Variants in WNT6 observed in about 807,000 individuals in gnomAD.
The protein encoded by WNT6 is protein Wnt-6.
Under a neutral mutation model 33.1 loss-of-function variants are expected in WNT6, and 27 were observed. That is an observed-to-expected ratio of 0.82 (90% CI 0.60 to 1.12). The LOEUF (loss-of-function observed/expected upper bound fraction) is 1.12. Among genes scored for constraint, WNT6 ranks in the 50% most tolerant of loss-of-function variants. The pLI, the probability that WNT6 is intolerant of heterozygous loss-of-function variation, is 0.00. For missense variants in WNT6, 494 were observed against 535.3 expected (o/e 0.92, Z 0.76); for synonymous variants, 249 against 242.8 (o/e 1.03, Z -0.24).
rs780031461 is a variant in WNT6 at position 218,871,824 on chromosome 2, G to A, written c.636+5G>A. ...AACAACGAGGCGGGCAGGCTGGTGC[G>A]TACGGGCAGGATGGAGTGAGTGTGT... On this transcript the variant is annotated splice_donor_5th_base_variant and intron_variant, in intron 3 of 3. Coordinates refer to ENST00000233948, the MANE Select transcript of WNT6 (RefSeq NM_006522.4). This position sits in a 1 kb window ranked among gnomAD's most constrained non-coding sequence, Gnocchi z 6.4. 6 of 1,578,734 alleles carry A rather than the reference G, an allele frequency of 3.8e-6. No homozygotes were observed. In the Admixed American group the frequency reaches 7.1e-5, roughly 19 times the overall value.
chr2:218,864,263 CTTTTT>C (rs1231335485), intron 1 of WNT6, among the ~76,000 whole-genome samples: 1 of 151,852 alleles, frequency 6.6e-6, no homozygotes, highest in Admixed American at 6.6e-5. Flanking sequence ...CTTTTCTTTT[CTTTTT>C]TTCCTTTTTG....
intron 1 of WNT6, among the ~76,000 whole-genome samples, chr2:218,861,695 C>A (rs1260015335): frequency 6.6e-6 from 1 of 152,044 alleles, no homozygotes; most frequent in Non-Finnish European, 1.5e-5. Flanking sequence ...GGGATGGGGT[C>A]CCTCCCTGAT....
chr2:218,860,139 C>T, intron 1 of WNT6, 22 bp downstream of exon 1: 2 of 1,506,712 alleles, frequency 1.3e-6, no homozygotes, highest in Non-Finnish European at 8.8e-7. Flanking sequence ...TGTCCTGGCG[C>T]GGCTCTGGAC....
Position 218,873,322 on chromosome 2 carries a change from C to T in WNT6, c.637-62C>T, listed in dbSNP as rs1944420208. 2.8e-6 allele frequency: 4 copies of T among 1,447,074 alleles called. No individual in the cohort carries two copies. Among genetic ancestry groups the T allele is most frequent in the East Asian group, 2.6e-5 (1 of 38,968 alleles). 89.6% of individuals were successfully genotyped at this position (1,447,074 alleles called of 1,614,324 possible). A position where few individuals can be genotyped will look rare whatever the true frequency, so the allele number is the denominator to read the frequency against. ...TTCCCAATCTTATTTTCTGTCCATC[C>T]GCTGGGCCCTTCCCTGCACCCCCTA... On this transcript the variant is annotated intron_variant, in intron 3 of 3. Coordinates refer to ENST00000233948, the MANE Select transcript of WNT6 (RefSeq NM_006522.4). This position sits in a 1 kb window ranked among gnomAD's most constrained non-coding sequence, Gnocchi z 6.1.
intron 1 of WNT6, among the ~76,000 whole-genome samples, chr2:218,861,430 T>A (rs1195426033): frequency 2.0e-5 from 3 of 152,172 alleles, no homozygotes. Flanking sequence ...CAGTCTTAAC[T>A]GGAAATAGGA....
chr2:218,873,380 G>GCAGGCC lies in WNT6; in HGVS notation c.637-3_639dup. 6.5e-7 allele frequency: 1 copy of GCAGGCC among 1,532,868 alleles called. No individual in the cohort carries two copies. Among genetic ancestry groups the GCAGGCC allele is most frequent in the Non-Finnish European group, 8.7e-7 (1 of 1,145,010 alleles). The allele number at this position is 1,532,868 out of a possible 1,614,324, so 95.0% of individuals were successfully genotyped here. On this transcript the variant is annotated splice_region_variant and splice_polypyrimidine_tract_variant and intron_variant, in intron 3 of 3. Coordinates refer to ENST00000233948, the MANE Select transcript of WNT6 (RefSeq NM_006522.4). This position sits in a 1 kb window ranked among gnomAD's most constrained non-coding sequence, Gnocchi z 6.1. ...ACATGCGTCCGCCCCTCTGCCTCCCGCAGGCCGTGCGGAGCCACACGCGCA... is the reference window on the plus strand; with the variant it reads ...ACATGCGTCCGCCCCTCTGCCTCCCGCAGGCCCAGGCCGTGCGGAGCCACACGCGCA...
chr2:218,865,061 G>A (rs1944342371), intron 1 of WNT6, among the ~76,000 whole-genome samples: 1 of 152,220 alleles, frequency 6.6e-6, no homozygotes, highest in South Asian at 2.1e-4. Context: ...CCAGAGTTCT[G>A]GCACTGAGAC....
rs1365891601 is a variant in WNT6, at chr2:218,873,968, C to G, written c.*123C>G. ...AGCCTCTCCCTGCCAAAGCCCAACT[C>G]CCAGGGCTCTGGAAATGGTGAGGCG... is the stretch of plus-strand genomic sequence containing the variant. On this transcript the variant is annotated 3_prime_UTR_variant, in exon 4 of 4. Transcript: ENST00000233948. The surrounding 1 kb of genome is among the most constrained non-coding windows in gnomAD (Gnocchi z 6.1). 9.4e-7 allele frequency: 1 copy of G among 1,066,064 alleles called. No homozygotes were observed. Among genetic ancestry groups the G allele is most frequent in the Non-Finnish European group, 1.3e-6 (1 of 785,140 alleles). The allele number at this position is 1,066,064 out of a possible 1,614,324, so 66.0% of individuals were successfully genotyped here. A position where few individuals can be genotyped will look rare whatever the true frequency, so the allele number is the denominator to read the frequency against.
chr2:218,869,038 G>A (rs759751072), intron 1 of WNT6, among the ~76,000 whole-genome samples: 2 of 152,130 alleles, frequency 1.3e-5, no homozygotes, highest in African/African-American at 2.4e-5. Context: ...GGTCATTGGG[G>A]TGCCCTGACC....
intron 1 of WNT6, among the ~76,000 whole-genome samples, chr2:218,860,773 T>A: frequency 6.6e-6 from 1 of 151,332 alleles, no homozygotes; most frequent in East Asian, 1.9e-4. Context: ...GGAGGGGTCC[T>A]GCGGGAAGGG....
chr2:218,862,493 C>G (rs1944318145), intron 1 of WNT6, among the ~76,000 whole-genome samples: 2 of 151,806 alleles, frequency 1.3e-5, no homozygotes, highest in African/African-American at 4.8e-5. Flanking sequence ...CTACAGGCAC[C>G]CACCACCATG....
At chr2:218,863,651 C>T (rs1363582461) in intron 1 of WNT6, among the ~76,000 whole-genome samples, 2 of 152,166 alleles carry the variant, frequency 1.3e-5, no homozygotes, top group African/African-American at 4.8e-5. Context: ...GAGTTCGAGA[C>T]CAGTTTGGCC....
rs778846147 is a variant in WNT6, at chr2:218,873,555, C to G, written c.808C>G (p.Leu270Val). Reference sequence around the variant, plus strand: ...GGGCACCAACGACGGCAAGGCCCTGCTGCCCGCCGTCCGCACGCTCAAGCC... The same window carrying G: ...GGGCACCAACGACGGCAAGGCCCTGGTGCCCGCCGTCCGCACGCTCAAGCC... ...VMGTNDGKALLPAVRTLKPPG... is the reference protein window; with the variant it reads ...VMGTNDGKALVPAVRTLKPPG... Residue 270 changes from leucine (L) to valine (V), a missense_variant, in exon 4 of 4, where the codon CTG becomes GTG. By Grantham distance (32) the Leu-to-Val change is conservative. Coordinates refer to ENST00000233948, the MANE Select transcript of WNT6 (RefSeq NM_006522.4). The surrounding 1 kb of genome is among the most constrained non-coding windows in gnomAD (Gnocchi z 6.1). The G allele has an allele frequency of 9.1e-6, 14 of 1,537,532 alleles. No individual in the cohort carries two copies. The South Asian group carries it at 1.4e-4, about 16-fold the overall frequency.
rs992751945 is a variant in WNT6, at chr2:218,864,674, C to T, written c.80+4557C>T. Among the ~76,000 whole-genome samples the T allele has an allele frequency of 2.6e-5, 4 of 152,330 alleles. No individual in the cohort carries two copies. In the South Asian group the frequency reaches 8.3e-4, roughly 32 times the overall value. On this transcript the variant is annotated intron_variant, in intron 1 of 3. Coordinates refer to ENST00000233948, the MANE Select transcript of WNT6 (RefSeq NM_006522.4). ...CATCCCATCTTGTCTTTCACCCACC[C>T]CCCTCCTGGAAAAGGAAACAAGAGC...
intron 1 of WNT6, among the ~76,000 whole-genome samples, chr2:218,864,677 C>A (rs907000875): frequency 6.6e-5 from 10 of 152,210 alleles, no homozygotes; most frequent in African/African-American, 2.4e-4. Context: ...ACCCACCCCC[C>A]TCCTGGAAAA....
In WNT6 at chr2:218,871,324, T is replaced by C; in HGVS notation, c.301+77T>C. On this transcript the variant is annotated intron_variant, in intron 2 of 3. Coordinates refer to ENST00000233948, the MANE Select transcript of WNT6 (RefSeq NM_006522.4). The surrounding 1 kb of genome is among the most constrained non-coding windows in gnomAD (Gnocchi z 6.4). ...CCCGAGGAGAGGAGAACTGGTTCGC[T>C]GAAGTTGCCTGAGCCCCACTTCCCC... The C allele has an allele frequency of 6.6e-7, 1 of 1,523,912 alleles. No individual in the cohort carries two copies. Among genetic ancestry groups the C allele is most frequent in the African/African-American group, 1.4e-5 (1 of 73,152 alleles). The allele number at this position is 1,523,912 out of a possible 1,614,324, so 94.4% of individuals were successfully genotyped here. A position where few individuals can be genotyped will look rare whatever the true frequency, so the allele number is the denominator to read the frequency against.
chr2:218,871,782 C>A lies in WNT6; in HGVS notation c.599C>A (p.Ala200Glu). ...RHKRGRGDIR[A>E]LVQLHNNEAG... is the part of the protein sequence containing the mutation. ...AAGCGGGGACGCGGAGACATCCGCG[C>A]GTTGGTGCAACTGCACAACAACGAG... Residue 200 changes from alanine (A) to glutamate (E), a missense_variant, in exon 3 of 4, where the codon GCG (alanine) becomes GAG (glutamate). Ala to Glu is a moderately radical substitution (Grantham distance 107, BLOSUM62 -1). Coordinates refer to ENST00000233948, the MANE Select transcript of WNT6 (RefSeq NM_006522.4). This position sits in a 1 kb window ranked among gnomAD's most constrained non-coding sequence, Gnocchi z 6.4. 6.3e-7 allele frequency: 1 copy of A among 1,598,784 alleles called. No individual in the cohort carries two copies. Among genetic ancestry groups the A allele is most frequent in the Non-Finnish European group, 8.5e-7 (1 of 1,173,948 alleles).
Position 218,871,966 on chromosome 2 carries a change from G to A in WNT6, c.636+147G>A, listed in dbSNP as rs1471748515. The A allele has an allele frequency of 6.1e-6, 5 of 823,120 alleles. No individual in the cohort carries two copies. Among genetic ancestry groups the A allele is most frequent in the Non-Finnish European group, 8.9e-6 (5 of 560,896 alleles). 51.0% of individuals were successfully genotyped at this position (823,120 alleles called of 1,614,324 possible). The stretch of plus-strand genomic sequence containing the variant: ...GGAGTGCGCACGGGCGGAAAGATGG[G>A]CTGCAAGCATGGATGGACATGTGGG... On this transcript the variant is annotated intron_variant, in intron 3 of 3. Transcript: ENST00000233948. This position sits in a 1 kb window ranked among gnomAD's most constrained non-coding sequence, Gnocchi z 6.4.
In WNT6 at chr2:218,874,104, C is replaced by G. The variant is rs575757374; in HGVS notation, c.*259C>G. On this transcript the variant is annotated 3_prime_UTR_variant, in exon 4 of 4. Transcript: ENST00000233948. ...TGTACAGGCCCTCCCTCCCCTTGGC[C>G]TCTAGGAGGAAACAGTTTTTTAGAC... is the stretch of plus-strand genomic sequence containing the variant. 2.2e-6 allele frequency: 1 copy of G among 449,568 alleles called. No individual in the cohort carries two copies. The highest frequency in any genetic ancestry group is 4.2e-5 in the Admixed American group (1 of 23,536). 27.8% of individuals were successfully genotyped at this position (449,568 alleles called of 1,614,324 possible).
Sources: gnomAD v4.1 joint callset for allele counts (sites outside exome capture counted in the v4.1 genomes callset) on GRCh38, gnomAD v4.1.1 for gene constraint, Gnocchi (gnomAD v3.1) non-coding constraint, MANE v1.5 for transcripts, NCBI Gene and HGNC (gene_info 2026-07-23, HGNC 2026-07-21) for gene names.